The following LNP1 variants were observed in gnomAD, a reference collection of about 807,000 sequenced individuals.
The protein encoded by LNP1 is leukemia NUP98 fusion partner 1.
LNP1 carries 12 observed loss-of-function variants against 14.5 expected under a neutral mutation model. The observed-to-expected ratio is 0.83, with a 90% CI of 0.53 to 1.34. The LOEUF (loss-of-function observed/expected upper bound fraction) is 1.34, where lower values mean the gene tolerates loss of function less well. Ranked by LOEUF, LNP1 falls within the 40% of genes most tolerant of loss-of-function variation. LNP1 has a pLI of 0.00. For synonymous variants in LNP1, 75 were observed against 71.4 expected, an observed-to-expected ratio of 1.05 and a Z score of -0.26; for missense variants, 198 against 210.9, an observed-to-expected ratio of 0.94 and a Z score of 0.38.
Position 100,456,014 on chromosome 3 carries a change from G to A in LNP1, c.*88G>A. On this transcript the variant is annotated 3_prime_UTR_variant, in exon 4 of 4. Transcript: ENST00000383693. ...TTCACCATTTCAGGATGTGGATGGG[G>A]GCGGGGTTGGGGGTAAAAACAGCTA... 8.4e-6 allele frequency: 12 copies of A among 1,432,162 alleles called. No individual in the cohort carries two copies. The South Asian group carries it at 1.1e-4, about 13-fold the overall frequency. 88.7% of individuals were successfully genotyped at this position (1,432,162 alleles called of 1,614,324 possible).
At chr3:100,416,773 T>C (rs1161804817) in intron 1 of LNP1, among the ~76,000 whole-genome samples, 1 of 151,830 alleles carries the variant, frequency 6.6e-6, no homozygotes, top group Non-Finnish European at 1.5e-5. Context: ...TGTGCAGGTT[T>C]GTTACATAGG....
At chr3:100,416,599 TTGTGTGTGTGTGTGTG>T (rs769199967) in intron 1 of LNP1, among the ~76,000 whole-genome samples, 3 of 94,620 alleles carry the variant, frequency 3.2e-5, no homozygotes, top group Non-Finnish European at 6.2e-5. Flanking sequence ...TATATCTTTT[TTGTGTGTGTGTGTGTG>T]TGTGTGTGTG....
At chr3:100,408,808 C>T (rs970363034) in intron 1 of LNP1, among the ~76,000 whole-genome samples, 2 of 152,138 alleles carry the variant, frequency 1.3e-5, no homozygotes, top group Non-Finnish European at 2.9e-5. Flanking sequence ...GGCTGTGCTG[C>T]CTGGTCTTGG....
At chr3:100,449,639 A>T (rs1398119363) in intron 2 of LNP1, among the ~76,000 whole-genome samples, 2 of 152,168 alleles carry the variant, frequency 1.3e-5, no homozygotes, top group African/African-American at 4.8e-5. Flanking sequence ...AGACAAAACA[A>T]ACAAACAAAC....
Position 100,425,909 on chromosome 3 carries a change from C to G in LNP1, c.-33-3788C>G, listed in dbSNP as rs140406118. 2.7e-3 allele frequency among the ~76,000 whole-genome samples: 408 copies of G among 152,278 alleles called. 2 individuals are homozygous for G. The highest frequency in any genetic ancestry group is 9.4e-3 in the African/African-American group (389 of 41,558). ...CAGCTGCATTTATCAATCAAACTGC[C>G]TAACTAAGAAGAGAGGTGAGCAAAG... On this transcript the variant is annotated intron_variant, in intron 1 of 3. Transcript: ENST00000383693.
At chr3:100,439,397 G>A (rs759522488) in intron 2 of LNP1, among the ~76,000 whole-genome samples, 8 of 151,874 alleles carry the variant, frequency 5.3e-5, no homozygotes, top group Non-Finnish European at 1.2e-4. Context: ...ATCCCTCAAT[G>A]TCTCATTCCA....
intron 1 of LNP1, among the ~76,000 whole-genome samples, chr3:100,425,400 A>G (rs1188768169): frequency 1.3e-5 from 2 of 152,200 alleles, no homozygotes; most frequent in African/African-American, 2.4e-5. Context: ...AGCTGGGGCC[A>G]GTTGCTGCTA....
chr3:100,422,714 TA>T (rs1707156118), intron 1 of LNP1, among the ~76,000 whole-genome samples: 1 of 151,986 alleles, frequency 6.6e-6, no homozygotes, highest in Non-Finnish European at 1.5e-5. Flanking sequence ...CTGAAGAATT[TA>T]ATGATGCTTA....
rs562000656 is a variant in LNP1 at position 100,417,371 on chromosome 3, C to CTTTTT, written c.-33-12308_-33-12304dup. Among the ~76,000 whole-genome samples, 30 of 64,622 alleles carry CTTTTT rather than the reference C, an allele frequency of 4.6e-4. 1 individual carries two copies. The highest frequency in any genetic ancestry group is 2.1e-3 in the South Asian group (3 of 1,428). 42.4% of individuals were successfully genotyped at this position (64,622 alleles called of 152,430 possible). The stretch of plus-strand genomic sequence containing the variant: ...CTTTTTCTTTCTTTCTTTCTTTTTT[C>CTTTTT]TTTTTTTTTTTTTTTTTTTTTTCGA... On this transcript the variant is annotated intron_variant, in intron 1 of 3. Transcript: ENST00000383693.
chr3:100,425,395 G>A (rs929093632), intron 1 of LNP1, among the ~76,000 whole-genome samples: 6 of 152,152 alleles, frequency 3.9e-5, no homozygotes, highest in African/African-American at 7.2e-5. Context: ...AGAGGAGCTG[G>A]GGCCAGTTGC....
intron 2 of LNP1, among the ~76,000 whole-genome samples, chr3:100,445,428 C>T (rs1010803956): frequency 1.3e-5 from 2 of 152,114 alleles, no homozygotes; most frequent in Admixed American, 6.6e-5. Context: ...TTTTGATTGG[C>T]ATTTTCTACA....
chr3:100,442,927 C>T (rs72943211), intron 2 of LNP1, among the ~76,000 whole-genome samples: 5,237 of 152,146 alleles, frequency 0.034, 305 homozygotes, highest in African/African-American at 0.12. Flanking sequence ...TGTGAAGTCT[C>T]ATGTCCTATG....
In LNP1 at chr3:100,403,438, T is replaced by G. The variant is rs927964531; in HGVS notation, c.-34+999T>G. 1.2e-4 allele frequency among the ~76,000 whole-genome samples: 19 copies of G among 152,234 alleles called. 1 individual carries two copies. Among genetic ancestry groups the G allele is most frequent in the African/African-American group, 4.1e-4 (17 of 41,558 alleles). Reference sequence around the variant, plus strand: ...CTTAGGAGGCAGTTAAATGAGATAGTCTAATGGACTAGGTTGTGGAAGACC... The same window carrying G: ...CTTAGGAGGCAGTTAAATGAGATAGGCTAATGGACTAGGTTGTGGAAGACC... On this transcript the variant is annotated intron_variant, in intron 1 of 3. Coordinates refer to ENST00000383693, the MANE Select transcript of LNP1 (RefSeq NM_001085451.2).
chr3:100,450,495 G>A (rs780191457), intron 2 of LNP1, among the ~76,000 whole-genome samples: 5 of 151,908 alleles, frequency 3.3e-5, no homozygotes, highest in African/African-American at 9.7e-5. Flanking sequence ...CACCATGCCC[G>A]GCTAATTTTT....
intron 1 of LNP1, among the ~76,000 whole-genome samples, chr3:100,429,097 CGTACTT>C (rs1559843222): frequency 6.6e-6 from 1 of 152,058 alleles, no homozygotes; most frequent in Non-Finnish European, 1.5e-5. Flanking sequence ...ACATTTTACA[CGTACTT>C]GTATATTATT....
chr3:100,450,364 A>G (rs1486012414), intron 2 of LNP1, among the ~76,000 whole-genome samples: 3 of 141,764 alleles, frequency 2.1e-5, no homozygotes, highest in African/African-American at 7.9e-5. Context: ...ACGAAGTTTC[A>G]CTCTTCCTGC....
intron 1 of LNP1, among the ~76,000 whole-genome samples, chr3:100,419,355 C>T (rs1294044770): frequency 6.6e-6 from 1 of 152,104 alleles, no homozygotes; most frequent in East Asian, 1.9e-4. Flanking sequence ...TAAGTGTACA[C>T]AGAAGTCCCA....
intron 2 of LNP1, among the ~76,000 whole-genome samples, chr3:100,432,174 G>A (rs1025527232): frequency 4.6e-5 from 7 of 150,640 alleles, no homozygotes; most frequent in Admixed American, 1.3e-4. Flanking sequence ...ACTGCTCTAA[G>A]GCCCTTCCCT....
At chr3:100,421,740 A>G (rs958444630) in intron 1 of LNP1, among the ~76,000 whole-genome samples, 1 of 152,164 alleles carries the variant, frequency 6.6e-6, no homozygotes, top group African/African-American at 2.4e-5. Context: ...AATTTTTTTT[A>G]AAGCTTTTAA....
Sources: gnomAD v4.1 joint callset for allele counts (sites outside exome capture counted in the v4.1 genomes callset) on GRCh38, gnomAD v4.1.1 for gene constraint, MANE v1.5 for transcripts, NCBI Gene and HGNC (gene_info 2026-07-23, HGNC 2026-07-21) for gene names.